The following SNX18 variants were observed in gnomAD, a reference collection of about 807,000 sequenced individuals.
The protein encoded by SNX18 is sorting nexin-18.
In SNX18, 35 loss-of-function variants were observed where a neutral mutation model predicts 48.7. The observed-to-expected ratio is 0.72, with a 90% CI of 0.55 to 0.95. The LOEUF is 0.95. Among genes scored for constraint, SNX18 ranks in the 40% least tolerant of loss-of-function variants. The probability of loss-of-function intolerance (pLI) is 0.00; values close to 1 mark genes in which losing one functional copy is unlikely to be tolerated. For synonymous variants in SNX18, 492 were observed against 384.7 expected, an observed-to-expected ratio of 1.28 and a Z score of -3.26; for missense variants, 824 against 871.0, an observed-to-expected ratio of 0.95 and a Z score of 0.68.
At chr5:54,645,227 A>G in the SNX18 span, 1 of 152,368 alleles carries the variant, frequency 6.6e-6, no homozygotes, top group South Asian at 2.1e-4. Context: ...GGATACAAAG[A>G]AAGAAAGCAT....
chr5:54,606,857 A>C, the SNX18 span, among the ~76,000 whole-genome samples: 2 of 152,130 alleles, frequency 1.3e-5, no homozygotes, highest in Admixed American at 1.3e-4. Context: ...ACAGTTCCAT[A>C]AAATGTTATC....
chr5:54,532,600 C>A (rs1459117366), intron 1 of SNX18, among the ~76,000 whole-genome samples: 1 of 152,128 alleles, frequency 6.6e-6, no homozygotes, highest in Non-Finnish European at 1.5e-5. Flanking sequence ...AAGTCTTCAT[C>A]TATATTTGCT....
chr5:54,602,145 G>A, the SNX18 span, among the ~76,000 whole-genome samples: 1 of 152,202 alleles, frequency 6.6e-6, no homozygotes, highest in African/African-American at 2.4e-5. Flanking sequence ...CCCTGGCAGT[G>A]ATAAAGTGTT....
intron 1 of SNX18, among the ~76,000 whole-genome samples, chr5:54,539,353 A>G (rs1762419715): frequency 1.3e-5 from 2 of 152,210 alleles, no homozygotes; most frequent in Non-Finnish European, 2.9e-5. Context: ...TGTCTGTTGT[A>G]AAGTTGTAGT....
rs1266962740 is a variant in SNX18 at position 54,544,991 on chromosome 5, C to T, written c.*1559C>T. 1 of 152,128 alleles carries T rather than the reference C, an allele frequency of 6.6e-6. No homozygotes were observed. Among genetic ancestry groups the T allele is most frequent in the Non-Finnish European group, 1.5e-5 (1 of 68,010 alleles). The allele number at this position is 152,128 out of a possible 1,614,324, so 9.4% of individuals were successfully genotyped here. On this transcript the variant is annotated 3_prime_UTR_variant, in exon 2 of 2. Coordinates refer to ENST00000381410, the MANE Select transcript of SNX18 (RefSeq NM_001102575.2). ...AGTCACAAAGATTAAAGAAAAGGAT[C>T]AGTTTGCAGATACTCAGAAAAGGTT...
chr5:54,613,475 G>A, the SNX18 span, among the ~76,000 whole-genome samples: 2 of 151,942 alleles, frequency 1.3e-5, no homozygotes, highest in East Asian at 3.9e-4. Context: ...ATCCAGGAGG[G>A]CTCTGCCTCT....
At chr5:54,577,762 G>A in the SNX18 span, among the ~76,000 whole-genome samples, 1 of 152,292 alleles carries the variant, frequency 6.6e-6, no homozygotes, top group East Asian at 1.9e-4. Flanking sequence ...CTCTGGAAAG[G>A]ACACCAGGAA....
At chr5:54,570,991 A>G in the SNX18 span, among the ~76,000 whole-genome samples, 1 of 152,174 alleles carries the variant, frequency 6.6e-6, no homozygotes, top group Non-Finnish European at 1.5e-5. Context: ...GCCTCTTGCC[A>G]AGTGTTAAGA....
chr5:54,625,580 C>T, the SNX18 span, among the ~76,000 whole-genome samples: 90 of 152,212 alleles, frequency 5.9e-4, no homozygotes, highest in African/African-American at 2.2e-3. Context: ...CTTTTTGTAA[C>T]CTAATCTCAG....
At chr5:54,613,501 A>C in the SNX18 span, among the ~76,000 whole-genome samples, 1 of 151,808 alleles carries the variant, frequency 6.6e-6, no homozygotes, top group Non-Finnish European at 1.5e-5. Flanking sequence ...CTCATGACCT[A>C]CTCATCTCTT....
At chr5:54,575,368 CTTTTTT>C in the SNX18 span, among the ~76,000 whole-genome samples, 1 of 111,740 alleles carries the variant, frequency 8.9e-6, no homozygotes, top group African/African-American at 3.6e-5. Flanking sequence ...CTCCCCACTG[CTTTTTT>C]TTTTTTTTTT....
the SNX18 span, among the ~76,000 whole-genome samples, chr5:54,635,085 G>T: frequency 6.6e-6 from 1 of 151,542 alleles, no homozygotes; most frequent in African/African-American, 2.4e-5. Context: ...TTGTGTCTAA[G>T]AATACATATT....
the SNX18 span, among the ~76,000 whole-genome samples, chr5:54,554,606 A>T: frequency 1.1e-4 from 16 of 152,344 alleles, no homozygotes; most frequent in African/African-American, 3.6e-4. Flanking sequence ...ATGAACTATG[A>T]ATTAATGTAG....
the SNX18 span, among the ~76,000 whole-genome samples, chr5:54,578,528 A>G: frequency 1.3e-5 from 2 of 152,180 alleles, no homozygotes; most frequent in Non-Finnish European, 2.9e-5. Flanking sequence ...AGGCACCATC[A>G]GTTAATTAAA....
At chr5:54,585,671 C>A in the SNX18 span, among the ~76,000 whole-genome samples, 1 of 152,146 alleles carries the variant, frequency 6.6e-6, no homozygotes, top group Admixed American at 6.5e-5. Flanking sequence ...AAAAAAGAGC[C>A]CTGGCTGATG....
the SNX18 span, among the ~76,000 whole-genome samples, chr5:54,622,792 T>C: frequency 6.6e-6 from 1 of 152,080 alleles, no homozygotes; most frequent in Non-Finnish European, 1.5e-5. Flanking sequence ...ATGATGGTGT[T>C]ATCCCCATTT....
At chr5:54,617,347 T>C in the SNX18 span, among the ~76,000 whole-genome samples, 1 of 152,244 alleles carries the variant, frequency 6.6e-6, no homozygotes, top group Non-Finnish European at 1.5e-5. Context: ...ATAGCTCCTG[T>C]TTGGTTCCAC....
chr5:54,620,934 AT>A, the SNX18 span, among the ~76,000 whole-genome samples: 3 of 152,084 alleles, frequency 2.0e-5, no homozygotes, highest in African/African-American at 7.2e-5. Context: ...CTTTTACCTC[AT>A]TTAACCTTAA....
chr5:54,645,169 G>T, the SNX18 span: 4 of 152,214 alleles, frequency 2.6e-5, no homozygotes, highest in African/African-American at 9.7e-5. Flanking sequence ...AACATGGTAA[G>T]AATGATATAA....
Sources: allele counts gnomAD v4.1 joint callset (sites outside exome capture counted in the v4.1 genomes callset), GRCh38; gene constraint gnomAD v4.1.1; transcripts MANE v1.5; gene names NCBI Gene and HGNC (gene_info 2026-07-23, HGNC 2026-07-21).